TERB2: variants seen among roughly 807,000 people sequenced by gnomAD.
TERB2 encodes the protein telomere repeats-binding bouquet formation protein 2.
A neutral mutation model predicts 29.8 loss-of-function variants in TERB2; 26 were observed. The observed-to-expected ratio is 0.87, with a 90% confidence interval of 0.64 to 1.21. The LOEUF is 1.21. TERB2 is among the 50% of genes most tolerant of loss of function. TERB2 has a pLI of 0.00. For missense variants in TERB2, 240 were observed against 268.6 expected (o/e 0.89, Z 0.74); for synonymous variants, 80 against 90.8 (o/e 0.88, Z 0.68).
At chr15:44,958,101 T>G (rs1891747127) in intron 2 of TERB2, among the ~76,000 whole-genome samples, 1 of 152,168 alleles carries the variant, frequency 6.6e-6, no homozygotes, top group Non-Finnish European at 1.5e-5. Context: ...CAATCCACTG[T>G]TGATGCCCAG....
At chr15:44,957,999 C>G (rs112868513) in intron 2 of TERB2, among the ~76,000 whole-genome samples, 1 of 152,126 alleles carries the variant, frequency 6.6e-6, no homozygotes, top group Non-Finnish European at 1.5e-5. Context: ...ATATGTGAAG[C>G]TTTCTCTGAC....
chr15:44,968,632 C>T (rs1891923941), intron 5 of TERB2, among the ~76,000 whole-genome samples: 1 of 129,534 alleles, frequency 7.7e-6, no homozygotes, highest in Non-Finnish European at 1.6e-5. Context: ...CTCACTCTGA[C>T]CCCCAGGGGT....
chr15:44,966,239 A>G lies in TERB2; in HGVS notation c.430A>G (p.Lys144Glu), dbSNP rs149924364. 1.6e-4 allele frequency: 253 copies of G among 1,538,390 alleles called. No individual in the cohort carries two copies. Among genetic ancestry groups the G allele is most frequent in the African/African-American group, 2.1e-4 (15 of 70,986 alleles). ...LATEHKKELS[K>E]SPEKHFIRTP... is the part of the protein sequence containing the mutation. ...AACAGAGCACAAAAAAGAATTATCC[A>G]AAAGGTATTGAATTCAGAAACTTCA... The change falls in exon 5 of 7, where the codon AAA becomes GAA. Residue 144 changes from lysine to glutamate, a missense_variant. Physicochemically the swap from Lys to Glu is moderately conservative, Grantham distance 56. Transcript: ENST00000340827.
At chr15:44,974,679 A>T (rs1020351676) in intron 6 of TERB2, among the ~76,000 whole-genome samples, 22 of 152,248 alleles carry the variant, frequency 1.4e-4, no homozygotes, top group Non-Finnish European at 2.6e-4. Context: ...TATTCAGTGG[A>T]GTCACTGATA....
intron 4 of TERB2, among the ~76,000 whole-genome samples, chr15:44,964,946 G>A (rs1166032291): frequency 6.6e-6 from 1 of 151,884 alleles, no homozygotes; most frequent in African/African-American, 2.4e-5. Flanking sequence ...CCGATTGCCT[G>A]AGCTTGGGAG....
intron 4 of TERB2, among the ~76,000 whole-genome samples, chr15:44,964,251 A>C (rs1363389468): frequency 6.6e-6 from 1 of 152,206 alleles, no homozygotes; most frequent in African/African-American, 2.4e-5. Flanking sequence ...CATTATGTCC[A>C]AAATCAGGCC....
chr15:44,961,092 T>C (rs1891794570), intron 3 of TERB2, among the ~76,000 whole-genome samples: 1 of 150,766 alleles, frequency 6.6e-6, no homozygotes. Flanking sequence ...TACATATACA[T>C]CTAATGTATA....
At chr15:44,977,098 AAC>A (rs373706136) in intron 6 of TERB2, among the ~76,000 whole-genome samples, 6 of 148,710 alleles carry the variant, frequency 4.0e-5, no homozygotes, top group Non-Finnish European at 1.5e-5. Context: ...ACCCTGTCAA[AAC>A]ACACACACAC....
Position 44,973,813 on chromosome 15 carries a change from T to C in TERB2, c.435-54T>C, listed in dbSNP as rs1892004376. On this transcript the variant is annotated intron_variant, in intron 5 of 6. Transcript: ENST00000340827. The stretch of plus-strand genomic sequence containing the variant: ...TATACTTTAATATAAATGTAATACA[T>C]ATAGACATATATATACTATGTATGT... 42 of 1,223,434 alleles carry C rather than the reference T, an allele frequency of 3.4e-5. No homozygotes were observed. In the South Asian group the frequency reaches 1.0e-3, roughly 30 times the overall value. 75.8% of individuals were successfully genotyped at this position (1,223,434 alleles called of 1,614,324 possible).
chr15:44,975,340 T>G (rs2141245384), intron 6 of TERB2, among the ~76,000 whole-genome samples: 1 of 152,152 alleles, frequency 6.6e-6, no homozygotes, highest in South Asian at 2.1e-4. Flanking sequence ...GCCCATCTGC[T>G]TGCACAGGAA....
Position 44,978,865 on chromosome 15 carries a change from T to A in TERB2, c.*237T>A. 1 of 315,450 alleles carries A rather than the reference T, an allele frequency of 3.2e-6. No individual in the cohort carries two copies. The highest frequency in any genetic ancestry group is 5.2e-6 in the Non-Finnish European group (1 of 191,890). The allele number at this position is 315,450 out of a possible 1,614,324, so 19.5% of individuals were successfully genotyped here. ...TCAATGCACAGTTGTTAATGAGTAA[T>A]TGCCGTTAAAATATATTTCATAAGA... On this transcript the variant is annotated 3_prime_UTR_variant, in exon 7 of 7. Coordinates refer to ENST00000340827, the MANE Select transcript of TERB2 (RefSeq NM_152448.3).
At chr15:44,967,376 T>G (rs1456851765) in intron 5 of TERB2, among the ~76,000 whole-genome samples, 1 of 152,214 alleles carries the variant, frequency 6.6e-6, no homozygotes, top group Non-Finnish European at 1.5e-5. Flanking sequence ...CTGGGGCCAG[T>G]TGGGATTCTA....
intron 6 of TERB2, 54 bp from the exon 7 acceptor site, chr15:44,978,435 A>G: frequency 6.8e-7 from 1 of 1,475,558 alleles, no homozygotes; most frequent in Non-Finnish European, 9.0e-7. Context: ...ACTGAAAAGC[A>G]AATAGTATGA....
rs551325800 is a variant in TERB2 at position 44,962,112 on chromosome 15, C to T, written c.348+528C>T. ...TATTTTGTATAAATAAAATTATTCCCATAAGAAACTTGAAAATTTGCTTCT... is the reference window on the plus strand; with the variant it reads ...TATTTTGTATAAATAAAATTATTCCTATAAGAAACTTGAAAATTTGCTTCT... On this transcript the variant is annotated intron_variant, in intron 4 of 6. Coordinates refer to ENST00000340827, the MANE Select transcript of TERB2 (RefSeq NM_152448.3). Among the ~76,000 whole-genome samples, 6 of 151,720 alleles carry T rather than the reference C, an allele frequency of 4.0e-5. No homozygotes were observed. In the East Asian group the frequency reaches 1.2e-3, roughly 29 times the overall value.
intron 5 of TERB2, among the ~76,000 whole-genome samples, chr15:44,972,283 A>C (rs932787348): frequency 2.0e-5 from 3 of 151,798 alleles, no homozygotes; most frequent in African/African-American, 7.3e-5. Flanking sequence ...GAGCTACTGC[A>C]CCAGGCCTTA....
Position 44,956,949 on chromosome 15 carries a change from T to G in TERB2, c.118T>G (p.Cys40Gly), listed in dbSNP as rs1183746990. 6.2e-7 allele frequency: 1 copy of G among 1,613,844 alleles called. No individual in the cohort carries two copies. Among genetic ancestry groups the G allele is most frequent in the African/African-American group, 1.3e-5 (1 of 74,902 alleles). ...GCGAGCCGCCGACTTCTTGTTCAGC[T>G]GTGATGCCTCGCACCCAGACACGCT... is the stretch of plus-strand genomic sequence containing the variant. ...DPRAADFLFS[C>G]DASHPDTLRI... The change falls in exon 2 of 7, where the codon TGT becomes GGT. Residue 40 changes from cysteine to glycine, a missense_variant. Cys to Gly is a radical substitution (Grantham distance 159). Transcript: ENST00000340827.
intron 6 of TERB2, among the ~76,000 whole-genome samples, chr15:44,975,488 C>T (rs1034376388): frequency 3.3e-5 from 5 of 152,024 alleles, no homozygotes; most frequent in African/African-American, 1.2e-4. Flanking sequence ...GGGTTCAACA[C>T]ATTGACTATT....
chr15:44,962,670 A>G (rs187320578), intron 4 of TERB2, among the ~76,000 whole-genome samples: 59 of 152,314 alleles, frequency 3.9e-4, no homozygotes, highest in South Asian at 8.3e-4. Flanking sequence ...CAATACTGGA[A>G]AAATAGCTGT....
intron 6 of TERB2, among the ~76,000 whole-genome samples, chr15:44,977,989 T>C (rs1403815969): frequency 6.6e-6 from 1 of 152,202 alleles, no homozygotes; most frequent in Non-Finnish European, 1.5e-5. Context: ...CTCTCACCCA[T>C]TATCTTTGTT....
Sources: gnomAD v4.1 joint callset for allele counts (sites outside exome capture counted in the v4.1 genomes callset) on GRCh38, gnomAD v4.1.1 for gene constraint, MANE v1.5 for transcripts, NCBI Gene and HGNC (gene_info 2026-07-23, HGNC 2026-07-21) for gene names.